Variants in NEGR1 observed in about 807,000 individuals in gnomAD.
The protein encoded by NEGR1 is IgLON family member 4.
A neutral mutation model predicts 40.9 loss-of-function variants in NEGR1; 10 were observed. That is an observed-to-expected ratio of 0.24 (90% CI 0.15 to 0.42). The LOEUF (loss-of-function observed/expected upper bound fraction) is 0.42, where lower values mean the gene tolerates loss of function less well. Ranked by LOEUF, NEGR1 falls within the 10% of genes least tolerant of loss-of-function variation. NEGR1 has a pLI of 1.00. For missense variants in NEGR1, 352 were observed against 438.9 expected (o/e 0.80, Z 1.77); for synonymous variants, 185 against 166.8 (o/e 1.11, Z -0.84).
intron 6 of NEGR1, chr1:71,422,782 G>GGAA (rs1349818434): frequency 6.6e-6 from 1 of 152,178 alleles, no homozygotes; most frequent in African/African-American, 2.4e-5. Context: ...GAAGAAGGCT[G>GGAA]GAAGAAGAGG....
At chr1:72,233,159 C>A in intron 1 of NEGR1, among the ~76,000 whole-genome samples, 1 of 152,120 alleles carries the variant, frequency 6.6e-6, no homozygotes, top group East Asian at 1.9e-4. Context: ...TAAGAAAACA[C>A]ACATACACAC....
chr1:72,281,149 G>C (rs1407172431), intron 1 of NEGR1, among the ~76,000 whole-genome samples: 2 of 151,988 alleles, frequency 1.3e-5, no homozygotes, highest in Non-Finnish European at 2.9e-5. Flanking sequence ...AGGAAAGAAG[G>C]GAAAATGAGA....
intron 2 of NEGR1, among the ~76,000 whole-genome samples, chr1:71,806,170 C>A (rs867825411): frequency 7.2e-5 from 11 of 151,864 alleles, no homozygotes; most frequent in Admixed American, 2.0e-4. Flanking sequence ...TGACCAATAC[C>A]TTTTTAATCA....
chr1:71,645,592 C>T (rs775208284), intron 4 of NEGR1, among the ~76,000 whole-genome samples: 3 of 151,614 alleles, frequency 2.0e-5, no homozygotes, highest in Non-Finnish European at 4.4e-5. Flanking sequence ...AAGTCATTAC[C>T]TTAGGCCTTT....
At chr1:71,910,082 A>G (rs1204450133) in intron 2 of NEGR1, among the ~76,000 whole-genome samples, 3 of 152,192 alleles carry the variant, frequency 2.0e-5, no homozygotes, top group Non-Finnish European at 1.5e-5. Context: ...CTGATTTTTA[A>G]AAGTAATGCC....
chr1:72,143,940 T>TATATATATATATATATATATATATA (rs1650805293), intron 1 of NEGR1, among the ~76,000 whole-genome samples: 1 of 137,912 alleles, frequency 7.3e-6, no homozygotes, highest in African/African-American at 2.7e-5. Context: ...TATATATATA[T>TATATATATATATATATATATATATA]TCATCCATTC....
At chr1:72,125,982 T>C (rs1649999409) in intron 1 of NEGR1, among the ~76,000 whole-genome samples, 1 of 152,054 alleles carries the variant, frequency 6.6e-6, no homozygotes, top group Non-Finnish European at 1.5e-5. Context: ...AAATAAATAA[T>C]TCTGGTTTGC....
At chr1:71,789,373 G>A (rs569495156) in intron 2 of NEGR1, among the ~76,000 whole-genome samples, 34 of 152,216 alleles carry the variant, frequency 2.2e-4, no homozygotes, top group African/African-American at 7.7e-4. Context: ...TGTGTTTAAT[G>A]GGAATATTTT....
intron 1 of NEGR1, among the ~76,000 whole-genome samples, chr1:71,952,582 G>A (rs1268079981): frequency 6.6e-6 from 1 of 152,034 alleles, no homozygotes; most frequent in Non-Finnish European, 1.5e-5. Flanking sequence ...GCTGCAGCAA[G>A]TTATCCAGAA....
intron 3 of NEGR1, among the ~76,000 whole-genome samples, chr1:71,734,589 T>A (rs1022955472): frequency 6.6e-6 from 1 of 152,152 alleles, no homozygotes; most frequent in Non-Finnish European, 1.5e-5. Flanking sequence ...AAAGTAAAAA[T>A]AAATGCTGAT....
rs1179705865 is a variant in NEGR1 at position 71,403,521 on chromosome 1, C to G, written c.*3925G>C. The G allele has an allele frequency of 1.1e-5, 2 of 184,636 alleles. No individual in the cohort carries two copies. Among genetic ancestry groups the G allele is most frequent in the Non-Finnish European group, 2.2e-5 (2 of 89,942 alleles). 11.4% of individuals were successfully genotyped at this position (184,636 alleles called of 1,614,324 possible). On this transcript the variant is annotated 3_prime_UTR_variant, in exon 7 of 7. Transcript: ENST00000357731. The stretch of plus-strand genomic sequence containing the variant: ...TTAGTTTAGATGTAGTTCAGCTCAT[C>G]AAACCTTTTAGGAATCAGCAACAGC...
chr1:71,970,220 G>A (rs1646243965), intron 1 of NEGR1, among the ~76,000 whole-genome samples: 1 of 152,152 alleles, frequency 6.6e-6, no homozygotes, highest in Non-Finnish European at 1.5e-5. Context: ...CAGGATGGTA[G>A]GGAATGTACA....
chr1:71,492,484 T>C (rs985721109), intron 6 of NEGR1, among the ~76,000 whole-genome samples: 1 of 37,398 alleles, frequency 2.7e-5, no homozygotes, highest in Non-Finnish European at 4.2e-4. Flanking sequence ...TTCAAGTGTT[T>C]ATTAATTCAC....
intron 3 of NEGR1, among the ~76,000 whole-genome samples, chr1:71,721,141 A>G (rs1411486180): frequency 6.6e-6 from 1 of 152,168 alleles, no homozygotes; most frequent in Non-Finnish European, 1.5e-5. Flanking sequence ...TATGAAAATA[A>G]TTTTAGTCTT....
At chr1:72,086,719 G>A (rs1257630816) in intron 1 of NEGR1, among the ~76,000 whole-genome samples, 1 of 152,084 alleles carries the variant, frequency 6.6e-6, no homozygotes, top group Non-Finnish European at 1.5e-5. Flanking sequence ...TCTTGAATTT[G>A]TTAATAGATT....
At chr1:72,267,352 T>C (rs967358882) in intron 1 of NEGR1, among the ~76,000 whole-genome samples, 1 of 151,172 alleles carries the variant, frequency 6.6e-6, no homozygotes, top group Non-Finnish European at 1.5e-5. Flanking sequence ...TATATTCTTA[T>C]ATAGGAGAAG....
chr1:71,537,343 C>A (rs1291903820), intron 6 of NEGR1, among the ~76,000 whole-genome samples: 1 of 151,606 alleles, frequency 6.6e-6, no homozygotes, highest in East Asian at 2.0e-4. Context: ...ATCCTATTAA[C>A]ATTCATTATA....
At chr1:71,452,695 G>A (rs771259815) in intron 6 of NEGR1, among the ~76,000 whole-genome samples, 2 of 151,814 alleles carry the variant, frequency 1.3e-5, no homozygotes, top group African/African-American at 4.8e-5. Flanking sequence ...CTATGAAATT[G>A]TGAGATTTCA....
intron 1 of NEGR1, among the ~76,000 whole-genome samples, chr1:72,215,438 T>C (rs975043066): frequency 2.6e-5 from 4 of 151,894 alleles, no homozygotes; most frequent in East Asian, 1.9e-4. Flanking sequence ...AACCTACAGA[T>C]TGGGAGAAAA....
Sources: gnomAD v4.1 joint callset for allele counts (sites outside exome capture counted in the v4.1 genomes callset) on GRCh38, gnomAD v4.1.1 for gene constraint, MANE v1.5 for transcripts, NCBI Gene and HGNC (gene_info 2026-07-23, HGNC 2026-07-21) for gene names.